The following HYAL3 variants were observed in gnomAD, a reference collection of about 807,000 sequenced individuals.
The protein encoded by HYAL3 is hyaluronidase 3.
Under a neutral mutation model 29.6 loss-of-function variants are expected in HYAL3, and 25 were observed. The ratio of observed to expected loss-of-function variants is 0.85; its 90% CI spans 0.62 to 1.18. HYAL3 has a LOEUF of 1.18. HYAL3 is among the 50% of genes most tolerant of loss of function. The pLI is 0.00. For synonymous variants in HYAL3, 215 were observed against 218.3 expected (o/e 0.99, Z 0.13); for missense variants, 442 against 548.4 (o/e 0.81, Z 1.94).
rs143380417 is a variant in HYAL3 at position 50,293,459 on chromosome 3, G to C, written c.1041C>G (p.Ile347Met). ...YLVDTLGPYV[I>M]NVTRAAMACS... is the part of the protein sequence containing the mutation. ...AGGCCATCGCTGCCCTGGTCACATT[G>C]ATCACATAGGGGCCCAAGGTGTCCA... The change falls in exon 4 of 4, where the codon ATC (isoleucine) becomes ATG (methionine). Residue 347 changes from isoleucine (I) to methionine (M), a missense_variant. Physicochemically the swap from Ile to Met is conservative, Grantham distance 10. Coordinates refer to ENST00000336307, the MANE Select transcript of HYAL3 (RefSeq NM_003549.4). 2,891 of 1,613,780 alleles carry C rather than the reference G, an allele frequency of 1.8e-3. 11 individuals carry two copies. Among genetic ancestry groups the C allele is most frequent in the Non-Finnish European group, 2.2e-3 (2,564 of 1,180,030 alleles).
chr3:50,295,610 G>C lies in HYAL3; in HGVS notation c.-8C>G, dbSNP rs1553711005. On this transcript the variant is annotated 5_prime_UTR_variant, in exon 2 of 4. Transcript: ENST00000336307. The stretch of plus-strand genomic sequence containing the variant: ...GCCCAGTTGCGTGGTCATTCCCCAA[G>C]GATGGAAACCTGCAGGAGAGAGGGG... 4 of 1,534,830 alleles carry C rather than the reference G, an allele frequency of 2.6e-6. No individual in the cohort carries two copies. The highest frequency in any genetic ancestry group is 3.5e-6 in the Non-Finnish European group (4 of 1,140,106).
At chr3:50,296,461 C>T in intron 1 of HYAL3, 1 of 970,226 alleles carries the variant, frequency 1.0e-6, no homozygotes, top group Admixed American at 2.8e-5. Flanking sequence ...CACCTCCTGG[C>T]CCCACTGGTA....
rs782650389 is a variant in HYAL3 at position 50,296,699 on chromosome 3, G to A, written c.-17-1080C>T. 3 of 1,613,818 alleles carry A rather than the reference G, an allele frequency of 1.9e-6. No individual in the cohort carries two copies. In the East Asian group the frequency reaches 6.7e-5, roughly 36 times the overall value. On this transcript the variant is annotated intron_variant, in intron 1 of 3. Transcript: ENST00000336307. ...TTGAAGGGGGCCCTGATGGAACTGG[G>A]GGTGAGATGGTCAGGCACTCAGGTA...
At chr3:50,293,573 T>C in intron 3 of HYAL3, 58 bp from the exon 4 acceptor site, 1 of 1,611,520 alleles carries the variant, frequency 6.2e-7, no homozygotes, top group Admixed American at 1.7e-5. Context: ...GACATGGCCG[T>C]CCCCCACCCT....
intron 1 of HYAL3, chr3:50,296,988 C>T: frequency 6.4e-7 from 1 of 1,572,600 alleles, no homozygotes; most frequent in East Asian, 2.2e-5. Flanking sequence ...GACCTCCAGG[C>T]CCTCCATGAG....
chr3:50,295,047 G>C lies in HYAL3; in HGVS notation c.556C>G (p.Arg186Gly), dbSNP rs377396269. ...TGGGGCCGTAGTGCCTGGGCCACCC[G>C]CAGCGTATCCTCCATCAGTGCACGG... ...AARALMEDTLRVAQALRPHGL... is the reference protein window; with the variant it reads ...AARALMEDTLGVAQALRPHGL... Residue 186 changes from arginine (R) to glycine (G), a missense_variant, in exon 2 of 4, where the codon CGG becomes GGG. By Grantham distance (125) the Arg-to-Gly change is moderately radical (BLOSUM62 -2). Coordinates refer to ENST00000336307, the MANE Select transcript of HYAL3 (RefSeq NM_003549.4). 6.2e-7 allele frequency: 1 copy of C among 1,613,360 alleles called. No homozygotes were observed. Among genetic ancestry groups the C allele is most frequent in the East Asian group, 2.2e-5 (1 of 44,878 alleles).
Position 50,297,161 on chromosome 3 carries a change from G to A in HYAL3, c.-17-1542C>T, listed in dbSNP as rs374560438. 3,557 of 1,603,166 alleles carry A rather than the reference G, an allele frequency of 2.2e-3. 2 individuals carry two copies. Among genetic ancestry groups the A allele is most frequent in the Non-Finnish European group, 2.9e-3 (3,445 of 1,173,756 alleles). On this transcript the variant is annotated intron_variant, in intron 1 of 3. Transcript: ENST00000336307. The surrounding 1 kb of genome is among the most constrained non-coding windows in gnomAD (Gnocchi z 4.3). ...GGCTTAGCAGCATCAGGCAGAGGGG[G>A]AAGGCATCTGAGGACTGGCCCAGGG...
In HYAL3 at chr3:50,299,193, G is replaced by C; in HGVS notation, c.-18+20C>G. 1 of 1,614,170 alleles carries C rather than the reference G, an allele frequency of 6.2e-7. No homozygotes were observed. Among genetic ancestry groups the C allele is most frequent in the Non-Finnish European group, 8.5e-7 (1 of 1,180,028 alleles). ...CGGGGTGGACCTACAGGCAGCAAAT[G>C]GGAAGGGTGCGGTACTGACATGTTG... On this transcript the variant is annotated intron_variant, in intron 1 of 3. Coordinates refer to ENST00000336307, the MANE Select transcript of HYAL3 (RefSeq NM_003549.4).
At chr3:50,295,646 TAG>T in intron 1 of HYAL3, 27 bp from the exon 2 acceptor site, 3 of 1,502,894 alleles carry the variant, frequency 2.0e-6, no homozygotes, top group Non-Finnish European at 2.7e-6. Flanking sequence ...GGTGTAAGCT[TAG>T]AGTCCGCAGC....
At chr3:50,293,549 T>C (rs782688686) in intron 3 of HYAL3, 34 bp from the exon 4 acceptor site, 21 of 1,611,378 alleles carry the variant, frequency 1.3e-5, no homozygotes, top group Middle Eastern at 3.3e-4. Flanking sequence ...TCAATATGCC[T>C]GCTCTATAAT....
chr3:50,295,026 G>C lies in HYAL3; in HGVS notation c.577C>G (p.Pro193Ala). The C allele has an allele frequency of 6.2e-7, 1 of 1,613,398 alleles. No homozygotes were observed. The highest frequency in any genetic ancestry group is 8.5e-7 in the Non-Finnish European group (1 of 1,179,934). ...DTLRVAQALR[P>A]HGLWGFYHYP... ...TGATAGAAGCCCCAGAGTCCATGGG[G>C]CCGTAGTGCCTGGGCCACCCGCAGC... is the stretch of plus-strand genomic sequence containing the variant. The change falls in exon 2 of 4, where the codon CCC becomes GCC. Residue 193 changes from proline to alanine, a missense_variant. Pro to Ala is a conservative substitution (Grantham distance 27). Coordinates refer to ENST00000336307, the MANE Select transcript of HYAL3 (RefSeq NM_003549.4).
At position 50,297,700 on chromosome 3, in the gene HYAL3, G is replaced by A; in HGVS notation, c.-18+1513C>T. The stretch of plus-strand genomic sequence containing the variant: ...GTAGATAACAGCCATGCTGGGCTGT[G>A]CCAGGAGGGAGGGTGGGGTTGGAGC... On this transcript the variant is annotated intron_variant, in intron 1 of 3. Transcript: ENST00000336307. This position sits in a 1 kb window ranked among gnomAD's most constrained non-coding sequence, Gnocchi z 4.3. The A allele has an allele frequency of 7.3e-7, 1 of 1,365,666 alleles. No homozygotes were observed. The highest frequency in any genetic ancestry group is 9.4e-7 in the Non-Finnish European group (1 of 1,064,466). 84.6% of individuals were successfully genotyped at this position (1,365,666 alleles called of 1,614,324 possible).
At position 50,295,142 on chromosome 3, in the gene HYAL3, T is replaced by C; in HGVS notation, c.461A>G (p.Gln154Arg). The part of the protein sequence containing the change: ...AYQAASWAWA[Q>R]QVFPDLDPQE... ...AGGGTCCAGGTCAGGGAATACCTGC[T>C]GTGCCCAAGCCCAAGAGGCTGCCTG... The change falls in exon 2 of 4, where the codon CAG becomes CGG. Residue 154 changes from glutamine (Q) to arginine (R), a missense_variant. Physicochemically the swap from Gln to Arg is conservative, Grantham distance 43 (BLOSUM62 1). Coordinates refer to ENST00000336307, the MANE Select transcript of HYAL3 (RefSeq NM_003549.4). The C allele has an allele frequency of 6.2e-7, 1 of 1,613,610 alleles. No individual in the cohort carries two copies.
intron 1 of HYAL3, 152 bp downstream of exon 1, chr3:50,299,061 T>TA: frequency 6.3e-7 from 1 of 1,592,772 alleles, no homozygotes; most frequent in Non-Finnish European, 8.5e-7. Flanking sequence ...AATGAGGACT[T>TA]CGAGAGCTCG....
At chr3:50,295,644 C>T (rs782034373) in intron 1 of HYAL3, 25 bp from the exon 2 acceptor site, 15 of 1,505,694 alleles carry the variant, frequency 1.0e-5, no homozygotes, top group African/African-American at 1.4e-5. Context: ...GGGGTGTAAG[C>T]TTAGAGTCCG....
rs899740216 is a variant in HYAL3 at position 50,297,824 on chromosome 3, C to A, written c.-18+1389G>T. 14 of 1,126,170 alleles carry A rather than the reference C, an allele frequency of 1.2e-5. No individual in the cohort carries two copies. The East Asian group carries it at 6.8e-4, about 55-fold the overall frequency. 69.8% of individuals were successfully genotyped at this position (1,126,170 alleles called of 1,614,324 possible). On this transcript the variant is annotated intron_variant, in intron 1 of 3. Coordinates refer to ENST00000336307, the MANE Select transcript of HYAL3 (RefSeq NM_003549.4). This position sits in a 1 kb window ranked among gnomAD's most constrained non-coding sequence, Gnocchi z 4.3. ...ACACTCACCTGATAGCACAGGTGAC[C>A]TGGAAGAGACCCATCCCCTATAGAG...
rs587680727 is a variant in HYAL3, at chr3:50,293,137, C to T, written c.*109G>A. The T allele has an allele frequency of 2.4e-5, 37 of 1,547,728 alleles. No individual in the cohort carries two copies. The highest frequency in any genetic ancestry group is 3.4e-5 in the South Asian group (3 of 89,018). ...GATTCCAAGGGAAGCGGGGTGTGTGCTTGGGAGGGTTGACTGTAAACTGAA... is the reference window on the plus strand; with the variant it reads ...GATTCCAAGGGAAGCGGGGTGTGTGTTTGGGAGGGTTGACTGTAAACTGAA... On this transcript the variant is annotated 3_prime_UTR_variant, in exon 4 of 4. Transcript: ENST00000336307.
At chr3:50,296,524 T>C in intron 1 of HYAL3, 1 of 1,509,464 alleles carries the variant, frequency 6.6e-7, no homozygotes, top group South Asian at 1.2e-5. Flanking sequence ...GGGGCTGAGG[T>C]ATGGTCAGTG....
Position 50,294,776 on chromosome 3 carries a change from C to T in HYAL3, c.827G>A (p.Arg276Gln), listed in dbSNP as rs782448379. The stretch of plus-strand genomic sequence containing the variant: ...ATAGGCCAGGACAGGCAGGGGATGT[C>T]GGTGCCCAACAAGGGCCACACGGAA... ...EAFRVALVGH[R>Q]HPLPVLAYVR... is the part of the protein sequence containing the mutation. Residue 276 changes from arginine to glutamine, a missense_variant, in exon 2 of 4, where the codon CGA (arginine) becomes CAA (glutamine). By Grantham distance (43) the Arg-to-Gln change is conservative. Transcript: ENST00000336307. 11 of 1,514,200 alleles carry T rather than the reference C, an allele frequency of 7.3e-6. No homozygotes were observed. The highest frequency in any genetic ancestry group is 6.8e-5 in the East Asian group (3 of 43,858). The allele number at this position is 1,514,200 out of a possible 1,614,324, so 93.8% of individuals were successfully genotyped here. A position where few individuals can be genotyped will look rare whatever the true frequency, so the allele number is the denominator to read the frequency against.
Sources: allele counts gnomAD v4.1 joint callset, GRCh38; gene constraint gnomAD v4.1.1; non-coding constraint Gnocchi (gnomAD v3.1); transcripts MANE v1.5; gene names NCBI Gene and HGNC (gene_info 2026-07-23, HGNC 2026-07-21).